The following COMP variants were observed in gnomAD, a reference collection of about 807,000 sequenced individuals.
The protein encoded by COMP is cartilage oligomeric matrix protein.
Under a neutral mutation model 95.8 loss-of-function variants are expected in COMP, and 79 were observed. The ratio of observed to expected loss-of-function variants is 0.82; its 90% confidence interval spans 0.69 to 0.99. The LOEUF is 0.99. Ranked by LOEUF, COMP falls within the 50% of genes least tolerant of loss-of-function variation. The pLI is 0.00. For synonymous variants in COMP, 438 were observed against 433.9 expected, an observed-to-expected ratio of 1.01 and a Z score of -0.12; for missense variants, 906 against 1,076.1, an observed-to-expected ratio of 0.84 and a Z score of 2.21.
intron 9 of COMP, 68 bp from the exon 10 acceptor site, chr19:18,787,718 C>A: frequency 6.3e-7 from 1 of 1,597,792 alleles, no homozygotes; most frequent in East Asian, 2.2e-5. Context: ...CTCAGATTCC[C>A]AAATCTCCGA....
intron 17 of COMP, among the ~76,000 whole-genome samples, chr19:18,783,742 C>T (rs191066975): frequency 4.6e-5 from 7 of 152,042 alleles, no homozygotes; most frequent in Admixed American, 3.3e-4. Context: ...CCTGAGTAGC[C>T]GGGATGACAG....
chr19:18,783,109 G>T lies in COMP; in HGVS notation c.2172C>A (p.Val724=). 1 of 1,611,606 alleles carries T rather than the reference G, an allele frequency of 6.2e-7. No individual in the cohort carries two copies. ...DTTMRGGRLG[V]FCFSQENIIW... ...TGATGTTCTCCTGGGAGAAGCAGAA[G>T]ACCCCCAGGCGGCCACCCCGCATGG... is the stretch of plus-strand genomic sequence containing the variant. Residue 724 remains valine, a synonymous_variant, in exon 18 of 19, where the codon GTC becomes GTA. Transcript: ENST00000222271.
intron 11 of COMP, 72 bp from the exon 12 acceptor site, chr19:18,786,363 G>A (rs763339761): frequency 2.9e-5 from 47 of 1,604,806 alleles, no homozygotes; most frequent in Admixed American, 1.2e-4. Flanking sequence ...CAACCCAGCC[G>A]CACAGCCAAG....
chr19:18,783,712 C>T (rs534763358), intron 17 of COMP, among the ~76,000 whole-genome samples: 3 of 151,682 alleles, frequency 2.0e-5, no homozygotes, highest in South Asian at 4.2e-4. Context: ...CGAGTTCAAG[C>T]GATTCTTCTG....
In COMP at chr19:18,785,079, G is replaced by A. The variant is rs772003134; in HGVS notation, c.1731C>T (p.Phe577=). 3.1e-6 allele frequency: 5 copies of A among 1,613,918 alleles called. No homozygotes were observed. The Admixed American group carries it at 6.7e-5, about 22-fold the overall frequency. ...DPGLAVGYTA[F]NGVDFEGTFH... Reference sequence around the variant, plus strand: ...ACGTGCCCTCGAAGTCCACGCCATTGAAGGCAGTGTAACCTAGGGATGGAA... The same window carrying A: ...ACGTGCCCTCGAAGTCCACGCCATTAAAGGCAGTGTAACCTAGGGATGGAA... The change falls in exon 16 of 19, where the codon TTC becomes TTT. Residue 577 remains phenylalanine, a synonymous_variant. Transcript: ENST00000222271.
In COMP at chr19:18,788,887, C is replaced by T. The variant is rs892355041; in HGVS notation, c.555G>A (p.Glu185=). ...KQVCTDINEC[E]TGQHNCVPNS... ...TGGGGACGCAGTTATGTTGCCCGGT[C>T]TCACACTCGTTGATGTCCGTGCAAA... Residue 185 remains glutamate, a synonymous_variant, in exon 6 of 19, where the codon GAG becomes GAA. Transcript: ENST00000222271. This position sits in a 1 kb window ranked among gnomAD's most constrained non-coding sequence, Gnocchi z 4.7. 6.2e-7 allele frequency: 1 copy of T among 1,613,926 alleles called. No homozygotes were observed. The highest frequency in any genetic ancestry group is 1.7e-5 in the Admixed American group (1 of 59,994).
chr19:18,791,182 G>A lies in COMP; in HGVS notation c.79+9C>T. 1 of 1,576,788 alleles carries A rather than the reference G, an allele frequency of 6.3e-7. No homozygotes were observed. Among genetic ancestry groups the A allele is most frequent in the Non-Finnish European group, 8.6e-7 (1 of 1,162,704 alleles). ...CCGTGGGCACGGCGCGGGTGCTAAC[G>A]CGGCTTACCCAACGGGCTCTGGCCC... On this transcript the variant is annotated intron_variant, in intron 1 of 18. Coordinates refer to ENST00000222271, the MANE Select transcript of COMP (RefSeq NM_000095.3).
rs769921604 is a variant in COMP, at chr19:18,788,223, G to A, written c.964C>T (p.Pro322Ser). 8.7e-6 allele frequency: 14 copies of A among 1,612,998 alleles called. No individual in the cohort carries two copies. The highest frequency in any genetic ancestry group is 1.2e-5 in the Non-Finnish European group (14 of 1,179,916). ...CDPDADGDGV[P>S]NEKDNCPLVR... ...AGCCGTAGATCTACCTTTTCATTGG[G>A]GACCCCGTCCCCGTCGGCATCCGGA... is the stretch of plus-strand genomic sequence containing the variant. The change falls in exon 9 of 19, where the codon CCC (proline) becomes TCC (serine). Residue 322 changes from proline to serine, a missense_variant. Pro to Ser is a moderately conservative substitution (Grantham distance 74). Transcript: ENST00000222271. The surrounding 1 kb of genome is among the most constrained non-coding windows in gnomAD (Gnocchi z 4.7).
chr19:18,782,881 G>C lies in COMP; in HGVS notation c.*34C>G, dbSNP rs1431244730. ...GAGCCCCCATCCAGCCGCGGTGAGG[G>C]TGGCTGTCATCCGGCGGGTCCTCAC... On this transcript the variant is annotated 3_prime_UTR_variant, in exon 19 of 19. Transcript: ENST00000222271. The C allele has an allele frequency of 1.2e-6, 2 of 1,608,050 alleles. No homozygotes were observed. Among genetic ancestry groups the C allele is most frequent in the Non-Finnish European group, 1.7e-6 (2 of 1,179,534 alleles).
chr19:18,786,071 G>A lies in COMP; in HGVS notation c.1383C>T (p.His461=), dbSNP rs1215107259. The stretch of plus-strand genomic sequence containing the variant: ...CGTCGCAGGCATCACCCTGGCCATC[G>A]TGGTCTGAGTCCTCCTGGGCACTGT... ...VPNSAQEDSD[H]DGQGDACDDD... is the part of the protein sequence containing the mutation. Residue 461 remains histidine, a synonymous_variant, in exon 13 of 19, where the codon CAC becomes CAT. Transcript: ENST00000222271. The A allele has an allele frequency of 6.2e-7, 1 of 1,614,028 alleles. No homozygotes were observed. The highest frequency in any genetic ancestry group is 8.5e-7 in the Non-Finnish European group (1 of 1,180,038).
rs775107337 is a variant in COMP at position 18,790,599 on chromosome 19, C to A, written c.180G>T (p.Thr60=). The A allele has an allele frequency of 1.9e-6, 3 of 1,613,836 alleles. No homozygotes were observed. The highest frequency in any genetic ancestry group is 1.7e-6 in the Non-Finnish European group (2 of 1,179,902). The change falls in exon 3 of 19, where the codon ACG becomes ACT. Residue 60 remains threonine, a synonymous_variant. Coordinates refer to ENST00000222271, the MANE Select transcript of COMP (RefSeq NM_000095.3). Reference sequence around the variant, plus strand: ...ACTCCATCACCGTGTTTTTCAGGAACGTGATCTCCCTGACCTGCAGGGGTG... The same window carrying A: ...ACTCCATCACCGTGTTTTTCAGGAAAGTGATCTCCCTGACCTGCAGGGGTG... ...ELLRQQVREI[T]FLKNTVMECD...
chr19:18,790,017 C>G lies in COMP; in HGVS notation c.315G>C (p.Thr105=), dbSNP rs766256710. Residue 105 remains threonine, a synonymous_variant, in exon 4 of 19, where the codon ACG becomes ACC. Coordinates refer to ENST00000222271, the MANE Select transcript of COMP (RefSeq NM_000095.3). ...FCFPGVACIQ[T]ESGARCGPCP... is the part of the protein sequence containing the mutation. ...AGGGGCCGCAGCGCGCGCCGCTCTC[C>G]GTCTGGATGCAGGCCACGCCGGGGA... 1.9e-6 allele frequency: 3 copies of G among 1,585,228 alleles called. No homozygotes were observed. Among genetic ancestry groups the G allele is most frequent in the Non-Finnish European group, 2.6e-6 (3 of 1,172,622 alleles).
Position 18,786,560 on chromosome 19 carries a change from T to G in COMP, c.1226A>C (p.Asn409Thr). The G allele has an allele frequency of 1.2e-6, 2 of 1,614,116 alleles. No homozygotes were observed. The highest frequency in any genetic ancestry group is 1.7e-6 in the Non-Finnish European group (2 of 1,180,008). Residue 409 changes from asparagine (N) to threonine (T), a missense_variant, in exon 11 of 19, where the codon AAC becomes ACC. Physicochemically the swap from Asn to Thr is moderately conservative, Grantham distance 65 (BLOSUM62 0). Coordinates refer to ENST00000222271, the MANE Select transcript of COMP (RefSeq NM_000095.3). ...DGDGIGDACDNCPQKSNPDQA... is the reference protein window; with the variant it reads ...DGDGIGDACDTCPQKSNPDQA... ...ATCCGGGTTGCTCTTCTGGGGACAG[T>G]TGTCACAGGCATCCCCTATACCATC... is the stretch of plus-strand genomic sequence containing the variant.
Position 18,785,554 on chromosome 19 carries a change from G to A in COMP, c.1669-8C>T, listed in dbSNP as rs546024072. On this transcript the variant is annotated splice_polypyrimidine_tract_variant and splice_region_variant and intron_variant, in intron 14 of 18. Coordinates refer to ENST00000222271, the MANE Select transcript of COMP (RefSeq NM_000095.3). The stretch of plus-strand genomic sequence containing the variant: ...CTGCACGATCTCCCTTCCCTGATGG[G>A]GTCAAAGAAAGGAGGGCCTCAGGCT... The A allele has an allele frequency of 1.9e-5, 30 of 1,614,024 alleles. No homozygotes were observed. The South Asian group carries it at 3.1e-4, about 17-fold the overall frequency.
At position 18,788,112 on chromosome 19, in the gene COMP, C is replaced by G; in HGVS notation, c.975+100G>C. 1 of 963,966 alleles carries G rather than the reference C, an allele frequency of 1.0e-6. No individual in the cohort carries two copies. The highest frequency in any genetic ancestry group is 1.4e-5 in the South Asian group (1 of 73,828). 59.7% of individuals were successfully genotyped at this position (963,966 alleles called of 1,614,324 possible). A position where few individuals can be genotyped will look rare whatever the true frequency, so the allele number is the denominator to read the frequency against. ...AGAGGAGGGGTTTCACCATGATGGCCAGGATGGTCTCCATCTCTTGACCTC... is the reference window on the plus strand; with the variant it reads ...AGAGGAGGGGTTTCACCATGATGGCGAGGATGGTCTCCATCTCTTGACCTC... On this transcript the variant is annotated intron_variant, in intron 9 of 18. Coordinates refer to ENST00000222271, the MANE Select transcript of COMP (RefSeq NM_000095.3). The surrounding 1 kb of genome is among the most constrained non-coding windows in gnomAD (Gnocchi z 4.7).
chr19:18,790,581 C>T lies in COMP; in HGVS notation c.198G>A (p.Val66=). 6.2e-7 allele frequency: 1 copy of T among 1,613,994 alleles called. No homozygotes were observed. The highest frequency in any genetic ancestry group is 8.5e-7 in the Non-Finnish European group (1 of 1,179,906). Reference sequence around the variant, plus strand: ...GCTCACCGCACGCGTCACACTCCATCACCGTGTTTTTCAGGAACGTGATCT... The same window carrying T: ...GCTCACCGCACGCGTCACACTCCATTACCGTGTTTTTCAGGAACGTGATCT... ...VREITFLKNT[V]MECDACGMQQ... The change falls in exon 3 of 19, where the codon GTG becomes GTA. Residue 66 remains valine, a synonymous_variant. Coordinates refer to ENST00000222271, the MANE Select transcript of COMP (RefSeq NM_000095.3).
chr19:18,789,945 G>T lies in COMP; in HGVS notation c.387C>A (p.Asn129Lys), dbSNP rs758922573. 1 of 1,592,172 alleles carries T rather than the reference G, an allele frequency of 6.3e-7. No individual in the cohort carries two copies. The highest frequency in any genetic ancestry group is 8.5e-7 in the Non-Finnish European group (1 of 1,177,540). The part of the protein sequence containing the change: ...TGNGSHCTDV[N>K]ECNAHPCFPR... ...TGGAGTGTCGGGGCTAGCGCACCTCGTTGACGTCGGTGCAGTGCGAGCCGT... is the reference window on the plus strand; with the variant it reads ...TGGAGTGTCGGGGCTAGCGCACCTCTTTGACGTCGGTGCAGTGCGAGCCGT... Residue 129 changes from asparagine to lysine, a missense_variant, in exon 4 of 19, where the codon AAC becomes AAA. Asn to Lys is a moderately conservative substitution (Grantham distance 94). Transcript: ENST00000222271. This position sits in a 1 kb window ranked among gnomAD's most constrained non-coding sequence, Gnocchi z 6.1.
chr19:18,790,271 C>T (rs972632152), intron 3 of COMP, among the ~76,000 whole-genome samples, 157 bp from the exon 4 acceptor site: 3 of 150,386 alleles, frequency 2.0e-5, no homozygotes, highest in African/African-American at 7.3e-5. Flanking sequence ...GATCCCGCCC[C>T]AGAGGCTGCG....
In COMP at chr19:18,785,508, G is replaced by A. The variant is rs1353284219; in HGVS notation, c.1707C>T (p.Gly569=). ...EIVQTMNSDP[G]LAVGYTAFNG... Reference sequence around the variant, plus strand: ...CTCCCCGCTTCTCACCCACAGCCAGGCCTGGGTCGCTGTTCATTGTCTGCA... The same window carrying A: ...CTCCCCGCTTCTCACCCACAGCCAGACCTGGGTCGCTGTTCATTGTCTGCA... The change falls in exon 15 of 19, where the codon GGC becomes GGT. Residue 569 remains glycine, a synonymous_variant. Coordinates refer to ENST00000222271, the MANE Select transcript of COMP (RefSeq NM_000095.3). The A allele has an allele frequency of 6.2e-7, 1 of 1,613,788 alleles. No individual in the cohort carries two copies. Among genetic ancestry groups the A allele is most frequent in the Non-Finnish European group, 8.5e-7 (1 of 1,180,024 alleles).
Sources: gnomAD v4.1 joint callset for allele counts (sites outside exome capture counted in the v4.1 genomes callset) on GRCh38, gnomAD v4.1.1 for gene constraint, Gnocchi (gnomAD v3.1) non-coding constraint, MANE v1.5 for transcripts, NCBI Gene and HGNC (gene_info 2026-07-23, HGNC 2026-07-21) for gene names.